Variants in DICER1 observed in about 807,000 individuals in gnomAD.
DICER1 encodes dicer 1, ribonuclease III.
In DICER1, 43 loss-of-function variants were observed where a neutral mutation model predicts 194.1. The ratio of observed to expected loss-of-function variants is 0.22; its 90% CI spans 0.17 to 0.29. The LOEUF (loss-of-function observed/expected upper bound fraction) is 0.29. Ranked by LOEUF, DICER1 falls within the 10% of genes least tolerant of loss-of-function variation. The pLI, the probability that DICER1 is intolerant of heterozygous loss-of-function variation, is 1.00. For synonymous variants in DICER1, 832 were observed against 820.5 expected (o/e 1.01, Z -0.24); for missense variants, 1,608 against 2,317.0 (o/e 0.69, Z 6.28).
At chr14:95,129,803 G>A (rs1358210596) in intron 5 of DICER1, among the ~76,000 whole-genome samples, 171 bp from the exon 6 acceptor site, 2 of 152,184 alleles carry the variant, frequency 1.3e-5, no homozygotes, top group African/African-American at 2.4e-5. Context: ...TAGAATTACT[G>A]TAGTTTGTTT....
At chr14:95,134,647 G>A (rs1169146925) in intron 1 of DICER1, 1 of 152,096 alleles carries the variant, frequency 6.6e-6, no homozygotes, top group Non-Finnish European at 1.5e-5. Context: ...ACACAATACT[G>A]AATTCTGATT....
At chr14:95,148,448 G>A (rs998075460) in intron 1 of DICER1, among the ~76,000 whole-genome samples, 4 of 152,112 alleles carry the variant, frequency 2.6e-5, no homozygotes, top group Admixed American at 6.5e-5. Flanking sequence ...ATAGGGTAGA[G>A]GACAGACCAA....
rs1252353708 is a variant in DICER1, at chr14:95,150,364, T to G, written c.-46+6866A>C. 2.0e-5 allele frequency among the ~76,000 whole-genome samples: 3 copies of G among 152,228 alleles called. No individual in the cohort carries two copies. In the East Asian group the frequency reaches 5.8e-4, roughly 29 times the overall value. ...AGCTCAATATAGTGGCTTGCACCTG[T>G]AGTCCCAGCTACTCAGGAGGCTGAC... On this transcript the variant is annotated intron_variant, in intron 1 of 26. Transcript: ENST00000343455.
rs369801468 is a variant in DICER1 at position 95,130,224 on chromosome 14, T to C, written c.439-32A>G. ...TAAAATCAACATCAGTAAACAAACATAGCATTCACTGCCTGGATATACTTA... is the reference window on the plus strand; with the variant it reads ...TAAAATCAACATCAGTAAACAAACACAGCATTCACTGCCTGGATATACTTA... On this transcript the variant is annotated intron_variant, in intron 4 of 26. Coordinates refer to ENST00000343455, the MANE Select transcript of DICER1 (RefSeq NM_177438.3). The C allele has an allele frequency of 6.4e-5, 102 of 1,600,690 alleles. No individual in the cohort carries two copies. The highest frequency in any genetic ancestry group is 8.0e-5 in the African/African-American group (6 of 74,648).
In DICER1 at chr14:95,119,497, C is replaced by T. The variant is rs77859574; in HGVS notation, c.1377-1743G>A. 1.4e-4 allele frequency among the ~76,000 whole-genome samples: 21 copies of T among 152,360 alleles called. No individual in the cohort carries two copies. The East Asian group carries it at 4.0e-3, about 29-fold the overall frequency. On this transcript the variant is annotated intron_variant, in intron 8 of 26. Coordinates refer to ENST00000343455, the MANE Select transcript of DICER1 (RefSeq NM_177438.3). The stretch of plus-strand genomic sequence containing the variant: ...AGGCTTCAGGGAAAACAAAGCCAGG[C>T]AGTCACATCATGTGAACTCCCAGAG...
intron 26 of DICER1, 21 bp from the exon 27 acceptor site, chr14:95,090,684 T>C: frequency 4.3e-6 from 7 of 1,613,856 alleles, no homozygotes; most frequent in Non-Finnish European, 5.9e-6. Flanking sequence ...TCCAAACAGC[T>C]TGAATTAGAA....
At chr14:95,157,099 C>A (rs897720740) in intron 1 of DICER1, 131 bp downstream of exon 1, 2 of 150,712 alleles carry the variant, frequency 1.3e-5, no homozygotes, top group African/African-American at 2.4e-5. Context: ...CCTTCGTCAG[C>A]GCCCGCCAGG....
chr14:95,124,153 G>A lies in DICER1; in HGVS notation c.1376+43C>T, dbSNP rs534309421. The A allele has an allele frequency of 2.6e-5, 37 of 1,415,528 alleles. No homozygotes were observed. The highest frequency in any genetic ancestry group is 2.2e-4 in the South Asian group (19 of 86,480). 87.7% of individuals were successfully genotyped at this position (1,415,528 alleles called of 1,614,324 possible). A position where few individuals can be genotyped will look rare whatever the true frequency, so the allele number is the denominator to read the frequency against. On this transcript the variant is annotated intron_variant, in intron 8 of 26. Transcript: ENST00000343455. The surrounding 1 kb of genome is among the most constrained non-coding windows in gnomAD (Gnocchi z 4.5). The stretch of plus-strand genomic sequence containing the variant: ...AGCGCATCACATCACAACACAGGAC[G>A]CCTCCCTGTTCTCATGTGAAAGGAG...
At chr14:95,133,160 A>T (rs180989084) in intron 2 of DICER1, among the ~76,000 whole-genome samples, 155 bp downstream of exon 2, 6 of 152,350 alleles carry the variant, frequency 3.9e-5, no homozygotes, top group Admixed American at 3.9e-4. Context: ...AGAAAAGAAA[A>T]GGACTATTAA....
intron 2 of DICER1, 91 bp downstream of exon 2, chr14:95,133,224 G>T: frequency 7.2e-7 from 1 of 1,380,486 alleles, no homozygotes; most frequent in Non-Finnish European, 1.0e-6. Flanking sequence ...GCCTGAAAGG[G>T]TAAATGAGTT....
In DICER1 at chr14:95,105,951, G is replaced by A; in HGVS notation, c.2987+90C>T. On this transcript the variant is annotated intron_variant, in intron 18 of 26. Coordinates refer to ENST00000343455, the MANE Select transcript of DICER1 (RefSeq NM_177438.3). The surrounding 1 kb of genome is among the most constrained non-coding windows in gnomAD (Gnocchi z 4.9). ...CCTGATTTCAGATAGTCCACGGGTG[G>A]GCAGGGGGACAGTGAACCTCTGCAT... is the stretch of plus-strand genomic sequence containing the variant. The A allele has an allele frequency of 6.8e-7, 1 of 1,466,860 alleles. No individual in the cohort carries two copies. The highest frequency in any genetic ancestry group is 9.6e-7 in the Non-Finnish European group (1 of 1,046,518). 90.9% of individuals were successfully genotyped at this position (1,466,860 alleles called of 1,614,324 possible).
intron 8 of DICER1, among the ~76,000 whole-genome samples, chr14:95,120,334 A>G (rs17091831): frequency 0.011 from 1,681 of 152,356 alleles, 36 homozygotes; most frequent in African/African-American, 0.038. Context: ...AAGAATTAGC[A>G]TCTACTGTGT....
chr14:95,135,404 C>G (rs1894284823), intron 1 of DICER1, among the ~76,000 whole-genome samples: 1 of 152,160 alleles, frequency 6.6e-6, no homozygotes, highest in Non-Finnish European at 1.5e-5. Flanking sequence ...TCTCCTACTT[C>G]CAGAAACCAG....
chr14:95,117,462 T>C (rs1892574154), intron 9 of DICER1, among the ~76,000 whole-genome samples, 160 bp downstream of exon 9: 1 of 152,228 alleles, frequency 6.6e-6, no homozygotes, highest in Non-Finnish European at 1.5e-5. Context: ...ACTCTACAGC[T>C]ACCTCATGGG....
In DICER1 at chr14:95,105,069, A is replaced by T. The variant is rs1232103009; in HGVS notation, c.3269+2T>A. 1 of 1,613,840 alleles carries T rather than the reference A, an allele frequency of 6.2e-7. No individual in the cohort carries two copies. The highest frequency in any genetic ancestry group is 1.7e-5 in the Admixed American group (1 of 60,024). On this transcript the variant is annotated splice_donor_variant, in intron 20 of 26. Transcript: ENST00000343455. LOFTEE classifies it high-confidence loss of function. This position sits in a 1 kb window ranked among gnomAD's most constrained non-coding sequence, Gnocchi z 4.9. ...TCTTTCTGGCTGACTGCACAGGCATACCTAAAATCCGCAGGAAGTGATCTG... is the reference window on the plus strand; with the variant it reads ...TCTTTCTGGCTGACTGCACAGGCATTCCTAAAATCCGCAGGAAGTGATCTG...
In DICER1 at chr14:95,112,024, C is replaced by G. The variant is rs1892011520; in HGVS notation, c.2116+148G>C. On this transcript the variant is annotated intron_variant, in intron 13 of 26. Transcript: ENST00000343455. ...ATGTAGGATCTTCAAGTTACTAACACTTATGTTTATATTCACCAAAGCACA... is the reference window on the plus strand; with the variant it reads ...ATGTAGGATCTTCAAGTTACTAACAGTTATGTTTATATTCACCAAAGCACA... 15 of 726,476 alleles carry G rather than the reference C, an allele frequency of 2.1e-5. No individual in the cohort carries two copies. In the South Asian group the frequency reaches 2.3e-4, roughly 11 times the overall value. The allele number at this position is 726,476 out of a possible 1,614,324, so 45.0% of individuals were successfully genotyped here.
intron 16 of DICER1, 36 bp downstream of exon 16, chr14:95,107,844 G>C (rs1320706054): frequency 5.0e-6 from 8 of 1,607,276 alleles, no homozygotes; most frequent in Non-Finnish European, 6.0e-6. Flanking sequence ...TTGTATATGT[G>C]TCTAGAGTTA....
chr14:95,133,401 C>T lies in DICER1; in HGVS notation c.58G>A (p.Ala20Thr), dbSNP rs1555376579. 1.2e-6 allele frequency: 2 copies of T among 1,614,016 alleles called. No homozygotes were observed. Among genetic ancestry groups the T allele is most frequent in the Non-Finnish European group, 1.7e-6 (2 of 1,179,968 alleles). The change falls in exon 2 of 27, where the codon GCT (alanine) becomes ACT (threonine). Residue 20 changes from alanine to threonine, a missense_variant. Transcript: ENST00000343455. Reference protein sequence around the residue: ...SMAGLQLMTPASSPMGPFFGL... With the variant: ...SMAGLQLMTPTSSPMGPFFGL... Reference sequence around the variant, plus strand: ...AAGAAAGGACCCATTGGTGAGGAAGCAGGGGTCATGAGCTGCAGGCCTGCC... The same window carrying T: ...AAGAAAGGACCCATTGGTGAGGAAGTAGGGGTCATGAGCTGCAGGCCTGCC...
chr14:95,129,671 T>C, intron 5 of DICER1, 39 bp from the exon 6 acceptor site: 1 of 1,578,892 alleles, frequency 6.3e-7, no homozygotes, highest in Non-Finnish European at 8.6e-7. Context: ...AGACTTCATT[T>C]TGCAAGGCTA....
Sources: allele counts gnomAD v4.1 joint callset (sites outside exome capture counted in the v4.1 genomes callset), GRCh38; gene constraint gnomAD v4.1.1; non-coding constraint Gnocchi (gnomAD v3.1); transcripts MANE v1.5; gene names NCBI Gene and HGNC (gene_info 2026-07-23, HGNC 2026-07-21).